ABCB5: variants seen among roughly 807,000 people sequenced by gnomAD.
ABCB5 encodes the protein ATP-binding cassette sub-family B member 5.
In ABCB5, 155 loss-of-function variants were observed where a neutral mutation model predicts 144.2. The observed-to-expected ratio is 1.08, with a 90% CI of 0.94 to 1.23. The LOEUF is 1.23. Ranked by LOEUF, ABCB5 falls within the 50% of genes most tolerant of loss-of-function variation. The pLI, the probability that ABCB5 is intolerant of heterozygous loss-of-function variation, is 0.00. For synonymous variants in ABCB5, 610 were observed against 528.6 expected, an observed-to-expected ratio of 1.15 and a Z score of -2.11; for missense variants, 1,830 against 1,520.8, an observed-to-expected ratio of 1.20 and a Z score of -3.38.
At chr7:20,745,862 C>A (rs936289328) in intron 26 of ABCB5, among the ~76,000 whole-genome samples, 2 of 152,206 alleles carry the variant, frequency 1.3e-5, no homozygotes, top group Non-Finnish European at 2.9e-5. Context: ...CCTCATGGCT[C>A]CCCTGTGCGC....
intron 3 of ABCB5, among the ~76,000 whole-genome samples, chr7:20,626,857 GTGT>G (rs563478096): frequency 1.6e-5 from 1 of 63,210 alleles, no homozygotes; most frequent in African/African-American, 6.6e-5. Flanking sequence ...TTTTTGGGGT[GTGT>G]GTGTGTGTGT....
At chr7:20,678,759 T>C (rs1785691166) in intron 14 of ABCB5, among the ~76,000 whole-genome samples, 1 of 152,236 alleles carries the variant, frequency 6.6e-6, no homozygotes, top group Admixed American at 6.5e-5. Flanking sequence ...TAAGACAGCA[T>C]AGCATTGGTG....
chr7:20,738,940 A>G, intron 23 of ABCB5, 43 bp from the exon 24 acceptor site: 2 of 1,525,024 alleles, frequency 1.3e-6, no homozygotes, highest in Non-Finnish European at 1.8e-6. Flanking sequence ...TGTTTTACAA[A>G]GGATCGATGG....
At chr7:20,630,043 C>A (rs917731153) in intron 4 of ABCB5, among the ~76,000 whole-genome samples, 14 of 151,090 alleles carry the variant, frequency 9.3e-5, no homozygotes, top group African/African-American at 3.4e-4. Flanking sequence ...CGTTTGTAGC[C>A]TCCTATTTCA....
At chr7:20,654,532 C>A (rs1013041306) in intron 13 of ABCB5, among the ~76,000 whole-genome samples, 4 of 152,108 alleles carry the variant, frequency 2.6e-5, no homozygotes, top group Non-Finnish European at 5.9e-5. Context: ...TTCCAGCCAA[C>A]AACAGCAGAA....
intron 5 of ABCB5, among the ~76,000 whole-genome samples, chr7:20,640,226 T>A (rs919564131): frequency 4.6e-5 from 7 of 152,188 alleles, no homozygotes; most frequent in Admixed American, 1.3e-4. Flanking sequence ...TCTATTAAAG[T>A]TTCTGTGAAA....
intron 5 of ABCB5, among the ~76,000 whole-genome samples, chr7:20,640,514 A>G (rs1784273306): frequency 6.6e-6 from 1 of 152,198 alleles, no homozygotes; most frequent in East Asian, 1.9e-4. Context: ...AGCGCTAGCC[A>G]TCAGTTCAGT....
chr7:20,700,246 A>T (rs1786574383), intron 19 of ABCB5, 111 bp downstream of exon 19: 11 of 981,278 alleles, frequency 1.1e-5, no homozygotes, highest in Admixed American at 2.9e-5. Context: ...TTGAAAGCAC[A>T]CTCTTTTTGT....
At chr7:20,739,555 C>G (rs1341892331) in intron 24 of ABCB5, among the ~76,000 whole-genome samples, 1 of 151,962 alleles carries the variant, frequency 6.6e-6, no homozygotes. Context: ...ATTTTTACCT[C>G]TACAACTAAA....
intron 19 of ABCB5, among the ~76,000 whole-genome samples, 174 bp downstream of exon 19, chr7:20,700,309 A>T (rs1786576815): frequency 6.6e-6 from 1 of 152,242 alleles, no homozygotes; most frequent in Non-Finnish European, 1.5e-5. Flanking sequence ...TAAAAGAAGC[A>T]AGTCCAAAAG....
chr7:20,631,020 A>G (rs1399013941), intron 4 of ABCB5, among the ~76,000 whole-genome samples: 1 of 152,176 alleles, frequency 6.6e-6, no homozygotes, highest in African/African-American at 2.4e-5. Flanking sequence ...ACCTTCTAAC[A>G]TTGGTTTTCC....
chr7:20,685,738 T>C lies in ABCB5; in HGVS notation c.1912T>C (p.Ser638Pro), dbSNP rs367726945. The C allele has an allele frequency of 1.4e-5, 23 of 1,612,778 alleles. No individual in the cohort carries two copies. In the African/African-American group the frequency reaches 2.9e-4, roughly 21 times the overall value. Residue 638 changes from serine to proline, a missense_variant, in exon 16 of 28, where the codon TCT becomes CCT. Transcript: ENST00000404938. ...TGAACAGATGGAGTCAATGACATATTCTACTGAAAGAAAGACCAACTCACT... is the reference window on the plus strand; with the variant it reads ...TGAACAGATGGAGTCAATGACATATCCTACTGAAAGAAAGACCAACTCACT... Reference protein sequence around the residue: ...ADEQMESMTYSTERKTNSLPL... With the variant: ...ADEQMESMTYPTERKTNSLPL...
chr7:20,743,473 A>C (rs1226158294), intron 25 of ABCB5, among the ~76,000 whole-genome samples: 1 of 151,398 alleles, frequency 6.6e-6, no homozygotes, highest in East Asian at 1.9e-4. Context: ...ACTCATCCCC[A>C]CCTCCCAACT....
intron 21 of ABCB5, among the ~76,000 whole-genome samples, chr7:20,725,660 C>T (rs1046167099): frequency 2.6e-5 from 4 of 152,160 alleles, no homozygotes; most frequent in Non-Finnish European, 5.9e-5. Flanking sequence ...TAATATTCAT[C>T]CCTTCTCCAT....
chr7:20,663,660 T>C (rs1785075598), intron 14 of ABCB5, among the ~76,000 whole-genome samples: 1 of 151,180 alleles, frequency 6.6e-6, no homozygotes, highest in Non-Finnish European at 1.5e-5. Flanking sequence ...TGGAGATGGG[T>C]AGTGGTGACA....
chr7:20,632,885 T>G (rs1399939715), intron 5 of ABCB5, among the ~76,000 whole-genome samples: 1 of 140,546 alleles, frequency 7.1e-6, no homozygotes, highest in African/African-American at 2.5e-5. Flanking sequence ...GGGGGAGGGA[T>G]AGCATTGGGA....
At chr7:20,728,262 T>C in intron 22 of ABCB5, 53 bp from the exon 23 acceptor site, 2 of 1,590,078 alleles carry the variant, frequency 1.3e-6, no homozygotes, top group South Asian at 2.3e-5. Flanking sequence ...ATGTATTCAA[T>C]TGACCTTGCT....
intron 5 of ABCB5, among the ~76,000 whole-genome samples, chr7:20,633,941 G>C (rs1280530010): frequency 1.3e-5 from 2 of 152,054 alleles, no homozygotes; most frequent in Non-Finnish European, 2.9e-5. Flanking sequence ...TAGTGGTGAA[G>C]TCTGGGCTTT....
At chr7:20,721,189 C>G (rs1781855622) in intron 20 of ABCB5, among the ~76,000 whole-genome samples, 1 of 152,158 alleles carries the variant, frequency 6.6e-6, no homozygotes, top group African/African-American at 2.4e-5. Context: ...GAAACATCAT[C>G]TCTAAGTATG....
Sources: gnomAD v4.1 joint callset for allele counts (sites outside exome capture counted in the v4.1 genomes callset) on GRCh38, gnomAD v4.1.1 for gene constraint, MANE v1.5 for transcripts, NCBI Gene and HGNC (gene_info 2026-07-23, HGNC 2026-07-21) for gene names.